KLC1: variants seen among roughly 807,000 people sequenced by gnomAD.
KLC1 encodes kinesin 2 60/70kDa.
Under a neutral mutation model 84.2 loss-of-function variants are expected in KLC1, and 30 were observed. The ratio of observed to expected loss-of-function variants is 0.36; its 90% CI spans 0.27 to 0.48. The LOEUF (loss-of-function observed/expected upper bound fraction) is 0.48, where lower values mean the gene tolerates loss of function less well. Among genes scored for constraint, KLC1 ranks in the 20% least tolerant of loss-of-function variants. The pLI, the probability that KLC1 is intolerant of heterozygous loss-of-function variation, is 0.99. For missense variants in KLC1, 499 were observed against 805.4 expected, an observed-to-expected ratio of 0.62 and a Z score of 4.60; for synonymous variants, 289 against 293.3, an observed-to-expected ratio of 0.99 and a Z score of 0.15.
intron 15 of KLC1, 31 bp downstream of exon 15, chr14:103,692,456 G>T: frequency 6.5e-7 from 1 of 1,533,044 alleles, no homozygotes. Flanking sequence ...TGTGTCCTAG[G>T]CTGCCCAGAC....
chr14:103,667,397 G>A (rs1186169006), intron 5 of KLC1, among the ~76,000 whole-genome samples: 1 of 152,034 alleles, frequency 6.6e-6, no homozygotes, highest in Non-Finnish European at 1.5e-5. Context: ...GTGAGCCACC[G>A]TGCCCAGCCT....
intron 1 of KLC1, among the ~76,000 whole-genome samples, chr14:103,643,429 G>C (rs1213478405): frequency 6.6e-6 from 1 of 152,146 alleles, no homozygotes; most frequent in Non-Finnish European, 1.5e-5. Flanking sequence ...AATCATGTTG[G>C]CACGTGCCCT....
chr14:103,673,221 A>T (rs185876479), intron 8 of KLC1, 34 bp downstream of exon 8: 5 of 1,592,010 alleles, frequency 3.1e-6, no homozygotes, highest in Non-Finnish European at 4.3e-6. Context: ...GGAGGGGGCC[A>T]GGAGTGCTTT....
chr14:103,677,516 G>T lies in KLC1; in HGVS notation c.1481G>T (p.Arg494Leu), dbSNP rs147158400. 6.2e-7 allele frequency: 1 copy of T among 1,609,840 alleles called. No individual in the cohort carries two copies. Among genetic ancestry groups the T allele is most frequent in the South Asian group, 1.1e-5 (1 of 90,982 alleles). The change falls in exon 12 of 17, where the codon CGT (arginine) becomes CTT (leucine). Residue 494 changes from arginine (R) to leucine (L), a missense_variant. Physicochemically the swap from Arg to Leu is moderately radical, Grantham distance 102 (BLOSUM62 -2). Coordinates refer to ENST00000334553, the MANE Select transcript of KLC1 (RefSeq NM_001394837.1). ...TTAGAAGAAGCTGCTATGAGGTCTC[G>T]TAAACAGGTTAGTCATACTTCTGTC... Reference protein sequence around the residue: ...ETLEEAAMRSRKQGLDNVHKQ... With the variant: ...ETLEEAAMRSLKQGLDNVHKQ...
intron 5 of KLC1, among the ~76,000 whole-genome samples, chr14:103,667,701 A>G (rs2079990132): frequency 6.6e-6 from 1 of 152,240 alleles, no homozygotes; most frequent in East Asian, 1.9e-4. Flanking sequence ...AGCTTACAAT[A>G]GGATGTAATA....
intron 5 of KLC1, among the ~76,000 whole-genome samples, chr14:103,667,976 T>A (rs1423860239): frequency 6.6e-6 from 1 of 152,238 alleles, no homozygotes; most frequent in African/African-American, 2.4e-5. Context: ...AGATTCTTCG[T>A]TCCTCCATAC....
chr14:103,685,623 C>T (rs1281287112), intron 13 of KLC1: 1 of 1,289,380 alleles, frequency 7.8e-7, no homozygotes, highest in East Asian at 5.5e-5. Context: ...TTTCTCTCTC[C>T]TTTCTGTCTG....
intron 11 of KLC1, among the ~76,000 whole-genome samples, chr14:103,675,969 G>C (rs1425754610): frequency 6.6e-6 from 1 of 152,164 alleles, no homozygotes; most frequent in Non-Finnish European, 1.5e-5. Flanking sequence ...TTGGTGCAAA[G>C]GTAATTGCGA....
chr14:103,695,844 G>T, intron 15 of KLC1: 2 of 985,406 alleles, frequency 2.0e-6, no homozygotes, highest in East Asian at 1.1e-4. Flanking sequence ...ATAAAGGAAG[G>T]TTCGTGTTTC....
rs773920579 is a variant in KLC1, at chr14:103,693,580, C to G, written c.1848+1155C>G. The G allele has an allele frequency of 6.5e-7, 1 of 1,536,112 alleles. No homozygotes were observed. Among genetic ancestry groups the G allele is most frequent in the Non-Finnish European group, 8.7e-7 (1 of 1,146,898 alleles). On this transcript the variant is annotated intron_variant, in intron 15 of 16. Transcript: ENST00000334553. This position sits in a 1 kb window ranked among gnomAD's most constrained non-coding sequence, Gnocchi z 5.1. ...ACGAAATAATTGTCTGGCCGACTCGCGAGCTCTGAGTGCCAGCCACACTGA... is the reference window on the plus strand; with the variant it reads ...ACGAAATAATTGTCTGGCCGACTCGGGAGCTCTGAGTGCCAGCCACACTGA...
chr14:103,663,030 C>T, intron 5 of KLC1, 103 bp downstream of exon 5: 1 of 690,408 alleles, frequency 1.4e-6, no homozygotes, highest in South Asian at 2.5e-5. Flanking sequence ...AACTATTTTT[C>T]AACCATATCC....
In KLC1 at chr14:103,649,472, T is replaced by C. The variant is rs376326905; in HGVS notation, c.-1-5092T>C. Among the ~76,000 whole-genome samples the C allele has an allele frequency of 5.4e-5, 8 of 147,816 alleles. No individual in the cohort carries two copies. The East Asian group carries it at 1.6e-3, about 30-fold the overall frequency. Reference sequence around the variant, plus strand: ...GGCCTGGTGTGATAGCTCATACCCATATCTCCAGCACTTTGGGAGGCCAAG... The same window carrying C: ...GGCCTGGTGTGATAGCTCATACCCACATCTCCAGCACTTTGGGAGGCCAAG... On this transcript the variant is annotated intron_variant, in intron 1 of 16. Coordinates refer to ENST00000334553, the MANE Select transcript of KLC1 (RefSeq NM_001394837.1).
At chr14:103,634,929 C>G (rs148866695) in intron 1 of KLC1, among the ~76,000 whole-genome samples, 1 of 152,054 alleles carries the variant, frequency 6.6e-6, no homozygotes. Context: ...GAGGCTATTT[C>G]GAGATGATCT....
In KLC1 at chr14:103,687,186, CG is replaced by C; in HGVS notation, c.1757del (p.Arg586GlnfsTer10). Reference protein sequence around the residue: ...LVRKLKGGSSRESEPKNPGMK... With the variant: ...LVRKLKGGSSXESEPKNPGMK... ...TAGGAAGCTGAAGGGAGGAAGTTCA[CG>C]AGAGAGTGAGCCAAAGAACCCCGGG... On this transcript the variant is annotated frameshift_variant, in exon 14 of 17. Transcript: ENST00000334553. LOFTEE classifies it high-confidence loss of function. 1 of 1,546,596 alleles carries C rather than the reference CG, an allele frequency of 6.5e-7. No homozygotes were observed. Among genetic ancestry groups the C allele is most frequent in the Non-Finnish European group, 8.7e-7 (1 of 1,143,736 alleles).
intron 1 of KLC1, among the ~76,000 whole-genome samples, chr14:103,640,676 T>C (rs1377767052): frequency 6.6e-6 from 1 of 151,786 alleles, no homozygotes. Flanking sequence ...ATTCTTAATA[T>C]ACATATTGTA....
rs1045638986 is a variant in KLC1 at position 103,701,053 on chromosome 14, C to T, written c.*2-148C>T. Reference sequence around the variant, plus strand: ...GACGCACCAGTCCCCCATGACCCCTCGGCCCCAGGGAGGCTCACAACCAGC... The same window carrying T: ...GACGCACCAGTCCCCCATGACCCCTTGGCCCCAGGGAGGCTCACAACCAGC... On this transcript the variant is annotated intron_variant, in intron 16 of 16. Coordinates refer to ENST00000334553, the MANE Select transcript of KLC1 (RefSeq NM_001394837.1). The T allele has an allele frequency of 2.4e-5, 23 of 971,926 alleles. No homozygotes were observed. The East Asian group carries it at 3.5e-4, about 15-fold the overall frequency. 60.2% of individuals were successfully genotyped at this position (971,926 alleles called of 1,614,324 possible). A position where few individuals can be genotyped will look rare whatever the true frequency, so the allele number is the denominator to read the frequency against.
chr14:103,631,620 A>C (rs1418767178), intron 1 of KLC1, among the ~76,000 whole-genome samples: 12 of 151,892 alleles, frequency 7.9e-5, no homozygotes, highest in Admixed American at 7.2e-4. Context: ...TTATTTAGAG[A>C]TGAGTCTCAC....
At chr14:103,656,854 T>C (rs1003901548) in intron 2 of KLC1, among the ~76,000 whole-genome samples, 4 of 152,212 alleles carry the variant, frequency 2.6e-5, no homozygotes, top group Non-Finnish European at 5.9e-5. Flanking sequence ...AGATGTATGT[T>C]CTAAAGAGAG....
chr14:103,696,093 C>CGGGGGGGGGGG, intron 15 of KLC1: 3 of 129,306 alleles, frequency 2.3e-5, no homozygotes, highest in Non-Finnish European at 2.8e-5. Context: ...AATCACTGCG[C>CGGGGGGGGGGG]CCCCGCCCCC....
Sources: allele counts gnomAD v4.1 joint callset (sites outside exome capture counted in the v4.1 genomes callset), GRCh38; gene constraint gnomAD v4.1.1; non-coding constraint Gnocchi (gnomAD v3.1); transcripts MANE v1.5; gene names NCBI Gene and HGNC (gene_info 2026-07-23, HGNC 2026-07-21).